The following CFAP299 variants were observed in gnomAD, a reference collection of about 807,000 sequenced individuals.
CFAP299 encodes cilia and flagella associated protein 299, also known as cilia- and flagella-associated protein 299.
In CFAP299, 21 loss-of-function variants were observed where a neutral mutation model predicts 27.0. That is an observed-to-expected ratio of 0.78 (90% CI 0.55 to 1.12). CFAP299 has a LOEUF of 1.12. CFAP299 is among the 50% of genes most tolerant of loss of function. CFAP299 has a pLI of 0.00. For synonymous variants in CFAP299, 104 were observed against 98.1 expected (o/e 1.06, Z -0.36); for missense variants, 310 against 276.6 (o/e 1.12, Z -0.86).
intron 2 of CFAP299, among the ~76,000 whole-genome samples, chr4:80,483,309 T>G (rs183926003): frequency 1.8e-3 from 272 of 152,338 alleles, no homozygotes; most frequent in Non-Finnish European, 3.0e-3. Flanking sequence ...GAAATTTATG[T>G]TGCCTTACAC....
At chr4:80,414,060 A>ATCTCTTTTTTT (rs1560556096) in intron 2 of CFAP299, among the ~76,000 whole-genome samples, 2 of 97,596 alleles carry the variant, frequency 2.0e-5, no homozygotes, top group African/African-American at 7.5e-5. Context: ...ACAAATGGGT[A>ATCTCTTTTTTT]TTTCTTTTTT....
At chr4:80,812,341 C>T (rs1211270278) in intron 3 of CFAP299, among the ~76,000 whole-genome samples, 1 of 151,970 alleles carries the variant, frequency 6.6e-6, no homozygotes, top group Admixed American at 6.6e-5. Flanking sequence ...TACAGGGTGA[C>T]AAGTGTTTTG....
At chr4:80,799,337 TTATA>T (rs1185156796) in intron 3 of CFAP299, among the ~76,000 whole-genome samples, 6 of 95,050 alleles carry the variant, frequency 6.3e-5, no homozygotes, top group East Asian at 2.6e-4. Context: ...TATATAATAT[TTATA>T]TATATAAATG....
At chr4:80,630,295 A>C (rs1284750778) in intron 3 of CFAP299, among the ~76,000 whole-genome samples, 1 of 152,178 alleles carries the variant, frequency 6.6e-6, no homozygotes, top group East Asian at 1.9e-4. Context: ...AATCATTCAA[A>C]AGTGAACCTC....
At chr4:80,427,539 C>A (rs895891739) in intron 2 of CFAP299, among the ~76,000 whole-genome samples, 30 of 152,110 alleles carry the variant, frequency 2.0e-4, no homozygotes, top group Non-Finnish European at 1.3e-4. Context: ...CATGAATAGT[C>A]CCAAAATTGT....
At chr4:80,763,527 A>G (rs11933534) in intron 3 of CFAP299, among the ~76,000 whole-genome samples, 18,563 of 152,052 alleles carry the variant, frequency 0.12, 1,512 homozygotes, top group African/African-American at 0.22. Flanking sequence ...TGAGCATACT[A>G]CTCATAGTAA....
At position 80,559,813 on chromosome 4, in the gene CFAP299, G is replaced by A. The variant is rs970818201; in HGVS notation, c.243-23280G>A. On this transcript the variant is annotated intron_variant, in intron 2 of 5. Coordinates refer to ENST00000358105, the MANE Select transcript of CFAP299 (RefSeq NM_152770.3). ...AGCCAGAACAGAATTGACGAAACTAGTAGTTGGAACTTGAGTTCCCACACC... is the reference window on the plus strand; with the variant it reads ...AGCCAGAACAGAATTGACGAAACTAATAGTTGGAACTTGAGTTCCCACACC... Among the ~76,000 whole-genome samples the A allele has an allele frequency of 2.6e-5, 4 of 152,190 alleles. No homozygotes were observed. The East Asian group carries it at 7.7e-4, about 29-fold the overall frequency.
At chr4:80,956,879 T>C (rs775293482) in intron 5 of CFAP299, among the ~76,000 whole-genome samples, 28 of 152,154 alleles carry the variant, frequency 1.8e-4, no homozygotes, top group Non-Finnish European at 2.8e-4. Context: ...TTTTTAGTGA[T>C]ATACCAAAAT....
At chr4:80,404,867 A>G (rs1374482534) in intron 2 of CFAP299, among the ~76,000 whole-genome samples, 1 of 152,022 alleles carries the variant, frequency 6.6e-6, no homozygotes, top group Admixed American at 6.6e-5. Context: ...TACTTTTTTC[A>G]TAGTAGCTGA....
chr4:80,872,471 A>G (rs760088191), intron 4 of CFAP299: 1 of 152,182 alleles, frequency 6.6e-6, no homozygotes, highest in Non-Finnish European at 1.5e-5. Flanking sequence ...AAATTCCTGC[A>G]GAAATACAAA....
intron 5 of CFAP299, among the ~76,000 whole-genome samples, chr4:80,946,530 A>AAT (rs1737486222): frequency 6.6e-6 from 1 of 152,180 alleles, no homozygotes; most frequent in Non-Finnish European, 1.5e-5. Flanking sequence ...AAAGCTGGGA[A>AAT]ATATAATCTT....
At chr4:80,483,547 A>G (rs995117967) in intron 2 of CFAP299, among the ~76,000 whole-genome samples, 3 of 152,148 alleles carry the variant, frequency 2.0e-5, no homozygotes, top group African/African-American at 4.8e-5. Flanking sequence ...GTGGGTTTAA[A>G]GCAAGACTAA....
At chr4:80,871,752 A>T in intron 4 of CFAP299, 1 of 533,040 alleles carries the variant, frequency 1.9e-6, no homozygotes, top group Non-Finnish European at 2.4e-6. Context: ...ATGGATCTTT[A>T]TCTGATACCA....
At chr4:80,336,139 A>G (rs1433015921) in intron 1 of CFAP299, among the ~76,000 whole-genome samples, 1 of 152,248 alleles carries the variant, frequency 6.6e-6, no homozygotes, top group Non-Finnish European at 1.5e-5. Flanking sequence ...CTGGGGAGCC[A>G]TGAATTTGTG....
At chr4:80,730,204 C>A (rs1723422035) in intron 3 of CFAP299, among the ~76,000 whole-genome samples, 1 of 149,820 alleles carries the variant, frequency 6.7e-6, no homozygotes. Flanking sequence ...TTTTTCCCTG[C>A]CTGTGTACTC....
intron 3 of CFAP299, among the ~76,000 whole-genome samples, chr4:80,860,842 C>G (rs1259156420): frequency 2.6e-5 from 4 of 152,200 alleles, no homozygotes; most frequent in Non-Finnish European, 5.9e-5. Context: ...CCCAGTTAGG[C>G]TGCTCAGGGG....
chr4:80,338,190 C>T lies in CFAP299; in HGVS notation c.111+2311C>T, dbSNP rs77565937. Among the ~76,000 whole-genome samples, 1,440 of 152,098 alleles carry T rather than the reference C, an allele frequency of 9.5e-3. 20 individuals carry two copies. Among genetic ancestry groups the T allele is most frequent in the African/African-American group, 0.033 (1,363 of 41,494 alleles). On this transcript the variant is annotated intron_variant, in intron 1 of 5. Coordinates refer to ENST00000358105, the MANE Select transcript of CFAP299 (RefSeq NM_152770.3). The stretch of plus-strand genomic sequence containing the variant: ...ATTTTATTTTAACTAACAAAATTGT[C>T]GATATTTATCATATACAACATGATG...
At chr4:80,635,862 A>G (rs1486888768) in intron 3 of CFAP299, among the ~76,000 whole-genome samples, 1 of 152,144 alleles carries the variant, frequency 6.6e-6, no homozygotes, top group Admixed American at 6.6e-5. Flanking sequence ...TTACTACCTT[A>G]GGTGACTGCA....
chr4:80,498,110 A>T (rs1731554154), intron 2 of CFAP299, among the ~76,000 whole-genome samples: 1 of 152,202 alleles, frequency 6.6e-6, no homozygotes. Flanking sequence ...TGGATTAATG[A>T]CTTAAATGTG....
Sources: allele counts gnomAD v4.1 joint callset (sites outside exome capture counted in the v4.1 genomes callset), GRCh38; gene constraint gnomAD v4.1.1; transcripts MANE v1.5; gene names NCBI Gene and HGNC (gene_info 2026-07-23, HGNC 2026-07-21).